Variants in VPS13B observed in about 807,000 individuals in gnomAD.
VPS13B encodes the protein intermembrane lipid transfer protein VPS13B.
A neutral mutation model predicts 426.4 loss-of-function variants in VPS13B; 285 were observed. The observed-to-expected ratio is 0.67, with a 90% CI of 0.61 to 0.74. VPS13B has a LOEUF of 0.74. Among genes scored for constraint, VPS13B ranks in the 30% least tolerant of loss-of-function variants. VPS13B has a pLI of 0.00. For synonymous variants in VPS13B, 1,676 were observed against 1,676.4 expected, an observed-to-expected ratio of 1.00 and a Z score of 0.01; for missense variants, 4,537 against 4,782.6, an observed-to-expected ratio of 0.95 and a Z score of 1.51.
At chr8:99,182,765 C>G (rs1363828886) in intron 16 of VPS13B, among the ~76,000 whole-genome samples, 5 of 152,184 alleles carry the variant, frequency 3.3e-5, no homozygotes, top group Non-Finnish European at 7.3e-5. Flanking sequence ...GAGACGGAGT[C>G]TTGCTCTGTC....
chr8:99,624,611 C>T (rs1006874952), intron 33 of VPS13B, among the ~76,000 whole-genome samples: 5 of 152,116 alleles, frequency 3.3e-5, no homozygotes, highest in Non-Finnish European at 7.4e-5. Context: ...ACTGTCTTTA[C>T]AGTGTTAAGG....
rs1166145455 is a variant in VPS13B at position 99,502,942 on chromosome 8, T to C, written c.4149T>C (p.Tyr1383=). The change falls in exon 27 of 62, where the codon TAT becomes TAC. Residue 1383 remains tyrosine, a synonymous_variant. Coordinates refer to ENST00000357162, the MANE Select transcript of VPS13B (RefSeq NM_152564.5). The part of the protein sequence containing the change: ...CKIESFNIDH[Y]RSRPGEGWQS... ...TAGAGAGTTTCAATATTGATCACTA[T>C]AGAAGCAGGTAAATAATGAATAATG... is the stretch of plus-strand genomic sequence containing the variant. 5.0e-6 allele frequency: 8 copies of C among 1,595,202 alleles called. No individual in the cohort carries two copies. The highest frequency in any genetic ancestry group is 6.9e-6 in the Non-Finnish European group (8 of 1,163,500).
intron 50 of VPS13B, among the ~76,000 whole-genome samples, chr8:99,822,438 T>C (rs1196230861): frequency 6.6e-6 from 1 of 152,214 alleles, no homozygotes; most frequent in Non-Finnish European, 1.5e-5. Flanking sequence ...GCCAAAGTAC[T>C]GTAACATGGG....
At chr8:99,067,599 A>G (rs1313178095) in intron 3 of VPS13B, among the ~76,000 whole-genome samples, 1 of 152,254 alleles carries the variant, frequency 6.6e-6, no homozygotes, top group African/African-American at 2.4e-5. Flanking sequence ...CTACGTAACA[A>G]AACTGCACGT....
intron 2 of VPS13B, among the ~76,000 whole-genome samples, chr8:99,019,846 A>G (rs1841801128): frequency 6.6e-6 from 1 of 152,222 alleles, no homozygotes; most frequent in Non-Finnish European, 1.5e-5. Context: ...TAAATAATCT[A>G]TTATATGTAC....
intron 8 of VPS13B, among the ~76,000 whole-genome samples, chr8:99,129,752 C>G (rs1809668104): frequency 6.6e-6 from 1 of 151,990 alleles, no homozygotes; most frequent in African/African-American, 2.4e-5. Context: ...TGAAATTATT[C>G]TGATATATTT....
chr8:99,785,273 T>C (rs191246363), intron 43 of VPS13B, among the ~76,000 whole-genome samples: 8 of 152,290 alleles, frequency 5.3e-5, no homozygotes, highest in Non-Finnish European at 1.2e-4. Context: ...AGAAAACTAC[T>C]GCCTGCTTGT....
At chr8:99,806,970 T>G (rs1813432728) in intron 43 of VPS13B, among the ~76,000 whole-genome samples, 1 of 152,198 alleles carries the variant, frequency 6.6e-6, no homozygotes, top group African/African-American at 2.4e-5. Context: ...TTTTGTTGGT[T>G]TCTCTCAAGA....
chr8:99,715,440 TA>T (rs1259418206), intron 36 of VPS13B, among the ~76,000 whole-genome samples: 1 of 152,182 alleles, frequency 6.6e-6, no homozygotes, highest in Non-Finnish European at 1.5e-5. Flanking sequence ...TGTTTTAAAA[TA>T]ATGGAATTGG....
At chr8:99,507,308 T>C (rs1821555211) in intron 28 of VPS13B, 105 bp downstream of exon 28, 3 of 1,193,002 alleles carry the variant, frequency 2.5e-6, no homozygotes, top group Admixed American at 1.8e-5. Flanking sequence ...GAGTTCAGAA[T>C]AAATTCTTAT....
At chr8:99,101,055 A>AT (rs1440538262) in intron 4 of VPS13B, among the ~76,000 whole-genome samples, 2 of 152,122 alleles carry the variant, frequency 1.3e-5, no homozygotes, top group East Asian at 1.9e-4. Flanking sequence ...AAAAAAAAAA[A>AT]GTTCCCTGTT....
Position 99,776,941 on chromosome 8 carries a change from G to A in VPS13B, c.7414G>A (p.Asp2472Asn), listed in dbSNP as rs1811768592. ...GGAATTCCATCTTTGTCATCACCTT[G>A]ACCAACTAGGCACAGGTACTCTTTT... Reference protein sequence around the residue: ...HLEFHLCHHLDQLGTAAPQYL... With the variant: ...HLEFHLCHHLNQLGTAAPQYL... Residue 2472 changes from aspartate (D) to asparagine (N), a missense_variant, in exon 41 of 62, where the codon GAC becomes AAC. Around this residue, in one of 2 missense-constraint regions of VPS13B, gnomAD observed 4,311 missense variants for 4,474.3 expected, o/e 0.96. Coordinates refer to ENST00000357162, the MANE Select transcript of VPS13B (RefSeq NM_152564.5). 2 of 1,613,852 alleles carry A rather than the reference G, an allele frequency of 1.2e-6. No homozygotes were observed. The highest frequency in any genetic ancestry group is 4.5e-5 in the East Asian group (2 of 44,842).
At chr8:99,565,618 A>T (rs1825139788) in intron 31 of VPS13B, among the ~76,000 whole-genome samples, 1 of 152,024 alleles carries the variant, frequency 6.6e-6, no homozygotes, top group Non-Finnish European at 1.5e-5. Context: ...TTTATTTTTG[A>T]GACTATTCCC....
intron 21 of VPS13B, among the ~76,000 whole-genome samples, chr8:99,410,618 G>A (rs1336754177): frequency 6.6e-6 from 1 of 151,790 alleles, no homozygotes; most frequent in East Asian, 1.9e-4. Context: ...GAACATGAAT[G>A]TTTGTTACAT....
intron 49 of VPS13B, among the ~76,000 whole-genome samples, chr8:99,820,845 C>A (rs1454340011): frequency 1.3e-5 from 2 of 151,864 alleles, no homozygotes; most frequent in Non-Finnish European, 2.9e-5. Flanking sequence ...TATTTAATTG[C>A]ATTTTTTCTT....
At chr8:99,286,231 T>C (rs949904268) in intron 19 of VPS13B, among the ~76,000 whole-genome samples, 3 of 152,240 alleles carry the variant, frequency 2.0e-5, no homozygotes, top group African/African-American at 7.2e-5. Flanking sequence ...ATTTTTGCCA[T>C]TTGGGCATAG....
At chr8:99,622,501 T>G (rs905213704) in intron 33 of VPS13B, among the ~76,000 whole-genome samples, 4 of 152,224 alleles carry the variant, frequency 2.6e-5, no homozygotes, top group African/African-American at 9.6e-5. Flanking sequence ...AGTAGTATCC[T>G]GTAATGGATA....
chr8:99,722,466 GCT>G (rs1833168910), intron 39 of VPS13B, among the ~76,000 whole-genome samples: 1 of 151,172 alleles, frequency 6.6e-6, no homozygotes, highest in Admixed American at 6.6e-5. Context: ...ATACAAATCA[GCT>G]ACATATTAAT....
chr8:99,490,149 T>C (rs536701635), intron 25 of VPS13B, among the ~76,000 whole-genome samples: 25 of 152,332 alleles, frequency 1.6e-4, no homozygotes, highest in African/African-American at 6.0e-4. Flanking sequence ...TCTGCATCTT[T>C]TGAGATACTC....
Sources: allele counts gnomAD v4.1 joint callset (sites outside exome capture counted in the v4.1 genomes callset), GRCh38; gene constraint gnomAD v4.1.1; regional missense constraint gnomAD v4.1.1; transcripts MANE v1.5; gene names NCBI Gene and HGNC (gene_info 2026-07-23, HGNC 2026-07-21).